Variants in ATXN1 observed in about 807,000 individuals in gnomAD.
The protein encoded by ATXN1 is ataxin 1, also known as ataxin-1.
Under a neutral mutation model 56.4 loss-of-function variants are expected in ATXN1, and 8 were observed. That is an observed-to-expected ratio of 0.14 (90% CI 0.08 to 0.26). The LOEUF (loss-of-function observed/expected upper bound fraction) is 0.26, where lower values mean the gene tolerates loss of function less well. Ranked by LOEUF, ATXN1 falls within the 10% of genes least tolerant of loss-of-function variation. ATXN1 has a pLI of 1.00. For synonymous variants in ATXN1, 514 were observed against 494.6 expected (o/e 1.04, Z -0.52); for missense variants, 987 against 1,106.5 (o/e 0.89, Z 1.53).
intron 6 of ATXN1, among the ~76,000 whole-genome samples, chr6:16,417,102 G>A (rs919233082): frequency 2.0e-5 from 3 of 152,162 alleles, no homozygotes; most frequent in African/African-American, 7.2e-5. Flanking sequence ...TGTAATCATA[G>A]ATCACTGCAG....
At chr6:16,476,534 A>C (rs9464908) in intron 6 of ATXN1, among the ~76,000 whole-genome samples, 1 of 151,934 alleles carries the variant, frequency 6.6e-6, no homozygotes, top group African/African-American at 2.4e-5. Context: ...AAAAAAAAAA[A>C]CAAAAAACAA....
rs138846942 is a variant in ATXN1 at position 16,392,598 on chromosome 6, C to A, written c.-160-64128G>T. Among the ~76,000 whole-genome samples the A allele has an allele frequency of 1.5e-3, 223 of 152,012 alleles. 1 individual carries two copies. The highest frequency in any genetic ancestry group is 5.2e-3 in the African/African-American group (214 of 41,414). The stretch of plus-strand genomic sequence containing the variant: ...GCAACCTCCGCCTTCTAGGTTCAAG[C>A]GATTCTCCTGCCTCAGCCTCCTGAG... On this transcript the variant is annotated intron_variant, in intron 6 of 7. Coordinates refer to ENST00000436367, the MANE Select transcript of ATXN1 (RefSeq NM_001128164.2).
rs561051609 is a variant in ATXN1 at position 16,499,861 on chromosome 6, G to A, written c.-298-13752C>T. Among the ~76,000 whole-genome samples the A allele has an allele frequency of 2.6e-5, 4 of 152,258 alleles. No individual in the cohort carries two copies. In the South Asian group the frequency reaches 8.3e-4, roughly 32 times the overall value. ...GTGAAGACTTTTAAATCCCCCTAAA[G>A]CATCAGTTCTCCAACTTGGCTACAC... On this transcript the variant is annotated intron_variant, in intron 5 of 7. Coordinates refer to ENST00000436367, the MANE Select transcript of ATXN1 (RefSeq NM_001128164.2).
intron 3 of ATXN1, among the ~76,000 whole-genome samples, chr6:16,647,797 C>T (rs1231982399): frequency 5.3e-5 from 8 of 152,140 alleles, no homozygotes; most frequent in Non-Finnish European, 7.4e-5. Flanking sequence ...AAAATAAGGC[C>T]GGGCGCAGTG....
intron 6 of ATXN1, among the ~76,000 whole-genome samples, chr6:16,359,917 A>G (rs779334556): frequency 1.2e-4 from 19 of 152,120 alleles, no homozygotes; most frequent in Non-Finnish European, 2.2e-4. Context: ...GACTTGGGAG[A>G]AAGGGTGGGA....
At chr6:16,657,316 A>G (rs1278329919) in intron 3 of ATXN1, among the ~76,000 whole-genome samples, 1 of 152,164 alleles carries the variant, frequency 6.6e-6, no homozygotes, top group Non-Finnish European at 1.5e-5. Flanking sequence ...GACCACTGTA[A>G]TACGTGTGAT....
chr6:16,558,873 G>C (rs1396227162), intron 4 of ATXN1, among the ~76,000 whole-genome samples: 1 of 151,592 alleles, frequency 6.6e-6, no homozygotes, highest in Admixed American at 6.6e-5. Context: ...AACTAAAATA[G>C]CATAAGACAA....
intron 6 of ATXN1, among the ~76,000 whole-genome samples, chr6:16,386,658 C>A (rs1393888095): frequency 2.6e-5 from 4 of 151,992 alleles, no homozygotes; most frequent in African/African-American, 7.3e-5. Flanking sequence ...GATAACAGGT[C>A]TCTGGTGAAG....
chr6:16,335,282 G>A (rs1380170251), intron 6 of ATXN1, among the ~76,000 whole-genome samples: 1 of 152,240 alleles, frequency 6.6e-6, no homozygotes, highest in Admixed American at 6.5e-5. Flanking sequence ...AAATGAGGAG[G>A]CTCCTGAAGG....
At chr6:16,377,756 G>A (rs1023591095) in intron 6 of ATXN1, among the ~76,000 whole-genome samples, 3 of 152,324 alleles carry the variant, frequency 2.0e-5, no homozygotes, top group Middle Eastern at 3.4e-3. Context: ...CCTGAAAGAT[G>A]AGCAAAGCAG....
chr6:16,734,929 G>A (rs1281651696), intron 2 of ATXN1, among the ~76,000 whole-genome samples: 1 of 152,146 alleles, frequency 6.6e-6, no homozygotes, highest in Non-Finnish European at 1.5e-5. Context: ...AGTTAAAGGA[G>A]TGTTCACTGA....
Position 16,760,205 on chromosome 6 carries a change from G to A in ATXN1, c.-730+1093C>T, listed in dbSNP as rs976237256. Among the ~76,000 whole-genome samples the A allele has an allele frequency of 5.3e-5, 8 of 151,916 alleles. No homozygotes were observed. The highest frequency in any genetic ancestry group is 6.5e-5 in the Admixed American group (1 of 15,276). ...AGAGTGAACGAGCAGTGGGGCTCCA[G>A]GGCGCATCCCAATCCCCGCAGCGCC... On this transcript the variant is annotated intron_variant, in intron 1 of 7. Transcript: ENST00000436367. The surrounding 1 kb of genome is among the most constrained non-coding windows in gnomAD (Gnocchi z 5.3).
At chr6:16,656,370 A>G (rs1758201720) in intron 3 of ATXN1, among the ~76,000 whole-genome samples, 1 of 152,222 alleles carries the variant, frequency 6.6e-6, no homozygotes, top group Non-Finnish European at 1.5e-5. Context: ...AGTTAGGCAC[A>G]TACATCTTTA....
intron 3 of ATXN1, among the ~76,000 whole-genome samples, chr6:16,591,738 G>A (rs1026184807): frequency 4.7e-4 from 72 of 152,040 alleles, no homozygotes; most frequent in African/African-American, 1.7e-3. Context: ...ACAATTCTTT[G>A]CACAGAATAT....
At chr6:16,662,969 A>AT (rs57242101) in intron 2 of ATXN1, among the ~76,000 whole-genome samples, 32,305 of 129,428 alleles carry the variant, frequency 0.25, 4,295 homozygotes, top group East Asian at 0.52. Context: ...TTCTGTTTGG[A>AT]TTTTTTTTTT....
intron 6 of ATXN1, among the ~76,000 whole-genome samples, chr6:16,455,742 C>T (rs1022196537): frequency 1.3e-5 from 2 of 152,120 alleles, no homozygotes; most frequent in East Asian, 1.9e-4. Context: ...AGAGGTGAAG[C>T]CAGCTGGACT....
chr6:16,559,085 T>C (rs1465709380), intron 4 of ATXN1, among the ~76,000 whole-genome samples: 3 of 152,140 alleles, frequency 2.0e-5, no homozygotes, highest in Admixed American at 2.0e-4. Context: ...TACTAGAATA[T>C]AGTAGTTTTC....
chr6:16,557,603 T>C (rs1762038825), intron 4 of ATXN1, among the ~76,000 whole-genome samples: 1 of 152,176 alleles, frequency 6.6e-6, no homozygotes, highest in South Asian at 2.1e-4. Flanking sequence ...ACCATACCGA[T>C]ATTAAAAATA....
chr6:16,397,464 A>C (rs1359913785), intron 6 of ATXN1, among the ~76,000 whole-genome samples: 1 of 152,078 alleles, frequency 6.6e-6, no homozygotes. Context: ...GGGTTTCACT[A>C]TGTTGGCCAG....
Sources: allele counts gnomAD v4.1 joint callset (sites outside exome capture counted in the v4.1 genomes callset), GRCh38; gene constraint gnomAD v4.1.1; non-coding constraint Gnocchi (gnomAD v3.1); transcripts MANE v1.5; gene names NCBI Gene and HGNC (gene_info 2026-07-23, HGNC 2026-07-21).